C11orf65: variants seen among roughly 807,000 people sequenced by gnomAD.
The protein encoded by C11orf65 is chromosome 11 open reading frame 65.
C11orf65 carries 38 observed loss-of-function variants against 35.3 expected under a neutral mutation model. The ratio of observed to expected loss-of-function variants is 1.08; its 90% CI spans 0.83 to 1.41. The LOEUF (loss-of-function observed/expected upper bound fraction) is 1.41, where lower values mean the gene tolerates loss of function less well. Among genes scored for constraint, C11orf65 ranks in the 40% most tolerant of loss-of-function variants. C11orf65 has a pLI of 0.00. For missense variants in C11orf65, 370 were observed against 367.1 expected (o/e 1.01, Z -0.06); for synonymous variants, 105 against 114.4 (o/e 0.92, Z 0.53).
intron 2 of C11orf65, chr11:108,356,219 ATAT>A (rs1171519859): frequency 6.6e-6 from 1 of 152,126 alleles, no homozygotes; most frequent in Non-Finnish European, 1.5e-5. Context: ...CTCTAAAGTT[ATAT>A]TATCTTGCAC....
intron 2 of C11orf65, chr11:108,356,031 A>G (rs2089876577): frequency 2.0e-5 from 3 of 152,228 alleles, no homozygotes; most frequent in Non-Finnish European, 4.4e-5. Flanking sequence ...TCCCAAGGTT[A>G]AAAATACATT....
At chr11:108,324,578 G>C (rs956982764) in intron 6 of C11orf65, among the ~76,000 whole-genome samples, 2 of 152,088 alleles carry the variant, frequency 1.3e-5, no homozygotes, top group Admixed American at 6.5e-5. Context: ...AGGAATTGAA[G>C]TTTTGGTTCC....
rs1235844017 is a variant in C11orf65, at chr11:108,408,701, A to C, written c.175-1552T>G. 5.8e-3 allele frequency among the ~76,000 whole-genome samples: 719 copies of C among 124,106 alleles called. 14 individuals are homozygous for C. The highest frequency in any genetic ancestry group is 0.019 in the African/African-American group (634 of 32,982). The allele number at this position is 124,106 out of a possible 152,430, so 81.4% of individuals were successfully genotyped here. A position where few individuals can be genotyped will look rare whatever the true frequency, so the allele number is the denominator to read the frequency against. On this transcript the variant is annotated intron_variant, in intron 3 of 8. Transcript: ENST00000393084. ...AATAAAATAAAATAAAATAAAATAA[A>C]ATAAAATAAAATAAAATAAAATAAA...
intron 2 of C11orf65, among the ~76,000 whole-genome samples, chr11:108,375,239 A>C (rs1162716644): frequency 1.3e-5 from 2 of 151,962 alleles, no homozygotes; most frequent in African/African-American, 4.8e-5. Context: ...GCCAGAGAGA[A>C]AGGTCGGGTT....
At chr11:108,354,026 G>C (rs895438587) in intron 2 of C11orf65, 95 of 685,186 alleles carry the variant, frequency 1.4e-4, no homozygotes, top group Non-Finnish European at 4.9e-5. Flanking sequence ...GTCCAGCCTA[G>C]GCAATACAGC....
intron 2 of C11orf65, among the ~76,000 whole-genome samples, chr11:108,434,413 G>A (rs1431787978): frequency 6.6e-6 from 1 of 151,890 alleles, no homozygotes; most frequent in East Asian, 1.9e-4. Context: ...GCTGAGGCAG[G>A]AGAATCGCTT....
intron 3 of C11orf65, among the ~76,000 whole-genome samples, chr11:108,415,479 A>T (rs1472374921): frequency 6.6e-6 from 1 of 152,214 alleles, no homozygotes; most frequent in Non-Finnish European, 1.5e-5. Context: ...ATGGAGAGAT[A>T]TTCCATACAC....
intron 1 of C11orf65, among the ~76,000 whole-genome samples, chr11:108,464,444 C>T (rs1237529335): frequency 6.6e-6 from 1 of 152,086 alleles, no homozygotes; most frequent in Non-Finnish European, 1.5e-5. Context: ...TCACTGCAAC[C>T]TCCGCCTCCC....
intron 3 of C11orf65, among the ~76,000 whole-genome samples, chr11:108,411,482 C>T (rs749064290): frequency 1.2e-4 from 18 of 152,124 alleles, no homozygotes; most frequent in Non-Finnish European, 1.8e-4. Flanking sequence ...GTAGTGACAG[C>T]GTTCTCTCTA....
At chr11:108,402,864 T>C (rs953164113) in intron 6 of C11orf65, among the ~76,000 whole-genome samples, 1 of 152,200 alleles carries the variant, frequency 6.6e-6, no homozygotes, top group African/African-American at 2.4e-5. Flanking sequence ...ATTTATTTCA[T>C]TCGGCATTAT....
At chr11:108,469,251 ATG>A (rs2093563277), upstream of C11orf65, among the ~76,000 whole-genome samples, 1 of 151,730 alleles carries the variant, frequency 6.6e-6, no homozygotes, top group African/African-American at 2.4e-5. Context: ...TTACACAACA[ATG>A]TGAATGTACT....
intron 7 of C11orf65, 143 bp downstream of exon 7, chr11:108,393,065 T>C (rs2092204113): frequency 1.4e-5 from 12 of 883,962 alleles, no homozygotes; most frequent in Non-Finnish European, 1.8e-5. Flanking sequence ...TCTTCTGTTC[T>C]TTCTAGACAA....
At chr11:108,446,390 G>C (rs1181420062) in intron 2 of C11orf65, among the ~76,000 whole-genome samples, 1 of 151,330 alleles carries the variant, frequency 6.6e-6, no homozygotes, top group Non-Finnish European at 1.5e-5. Flanking sequence ...GAGAAAGGTC[G>C]GGTTACCCAC....
chr11:108,453,239 A>T (rs187022630), intron 2 of C11orf65, among the ~76,000 whole-genome samples: 2 of 152,208 alleles, frequency 1.3e-5, no homozygotes, highest in East Asian at 3.9e-4. Context: ...TGGCATCTTT[A>T]ATCAATCAAA....
At chr11:108,372,700 T>C (rs1056864637) in intron 2 of C11orf65, among the ~76,000 whole-genome samples, 11 of 152,150 alleles carry the variant, frequency 7.2e-5, no homozygotes, top group African/African-American at 1.9e-4. Flanking sequence ...GTCAGTGCCA[T>C]CTATGAAATG....
At chr11:108,375,961 T>C (rs2091711461) in intron 2 of C11orf65, among the ~76,000 whole-genome samples, 1 of 152,142 alleles carries the variant, frequency 6.6e-6, no homozygotes, top group African/African-American at 2.4e-5. Context: ...ATGCAACCAA[T>C]ACAGGAGCAC....
chr11:108,361,444 C>A (rs1452696338), intron 2 of C11orf65, among the ~76,000 whole-genome samples: 1 of 151,950 alleles, frequency 6.6e-6, no homozygotes, highest in Admixed American at 6.6e-5. Context: ...TTGGAAAAAA[C>A]TACTTTAAAG....
chr11:108,343,195 TA>T (rs2087799450), intron 2 of C11orf65: 1 of 1,613,748 alleles, frequency 6.2e-7, no homozygotes, highest in African/African-American at 1.3e-5. Context: ...CTTTTAAAAT[TA>T]AAAGGTATTT....
At chr11:108,376,870 G>T (rs1245185823) in intron 2 of C11orf65, among the ~76,000 whole-genome samples, 2 of 151,538 alleles carry the variant, frequency 1.3e-5, no homozygotes, top group Non-Finnish European at 3.0e-5. Context: ...AAATAAACTA[G>T]AAAATCTAGA....
Sources: allele counts gnomAD v4.1 joint callset (sites outside exome capture counted in the v4.1 genomes callset), GRCh38; gene constraint gnomAD v4.1.1; transcripts MANE v1.5; gene names NCBI Gene and HGNC (gene_info 2026-07-23, HGNC 2026-07-21).